The following KCNMA1 variants were observed in gnomAD, a reference collection of about 807,000 sequenced individuals.
KCNMA1 encodes the protein Calcium-activated potassium channel subunit alpha-1.
Under a neutral mutation model 140.0 loss-of-function variants are expected in KCNMA1, and 29 were observed. That is an observed-to-expected ratio of 0.21 (90% confidence interval 0.15 to 0.28). KCNMA1 has a LOEUF of 0.28. Among genes scored for constraint, KCNMA1 ranks in the 10% least tolerant of loss-of-function variants. KCNMA1 has a pLI of 1.00. For missense variants in KCNMA1, 880 were observed against 1,602.2 expected (o/e 0.55, Z 7.70); for synonymous variants, 612 against 611.9 (o/e 1.00, Z 0.00).
At chr10:77,572,604 A>AT (rs1491301371) in intron 1 of KCNMA1, among the ~76,000 whole-genome samples, 15 of 115,396 alleles carry the variant, frequency 1.3e-4, no homozygotes, top group East Asian at 2.3e-4. Context: ...ATATATATAT[A>AT]AATTAGCTGG....
At chr10:76,876,116 T>A (rs2032338107), downstream of KCNMA1, 1 of 152,604 alleles carries the variant, frequency 6.6e-6, no homozygotes, top group African/African-American at 2.4e-5. Context: ...TTGGAGTACT[T>A]AGTGGACATA....
intron 1 of KCNMA1, among the ~76,000 whole-genome samples, chr10:77,590,317 C>G (rs1018122084): frequency 6.6e-6 from 1 of 152,190 alleles, no homozygotes; most frequent in Non-Finnish European, 1.5e-5. Context: ...TGGGACTGGG[C>G]GCCGTGGAGC....
At position 76,891,543 on chromosome 10, in the gene KCNMA1, C is replaced by A. The variant is rs754021758; in HGVS notation, c.3324G>T (p.Gly1108=). 6.2e-7 allele frequency: 1 copy of A among 1,613,378 alleles called. No individual in the cohort carries two copies. The highest frequency in any genetic ancestry group is 1.3e-5 in the African/African-American group (1 of 75,052). ...GACTCACCCCTAAGTCCGCAAATGG[C>A]CCATCGAGCAGAGCTAACTGGGCCA... is the stretch of plus-strand genomic sequence containing the variant. ...CRVAQLALLD[G]PFADLGDGGC... is the part of the protein sequence containing the mutation. The change falls in exon 26 of 28, where the codon GGG becomes GGT. Residue 1108 remains glycine, a synonymous_variant. Transcript: ENST00000286628.
intron 6 of KCNMA1, among the ~76,000 whole-genome samples, chr10:77,116,564 T>C (rs557924902): frequency 6.6e-6 from 1 of 152,146 alleles, no homozygotes; most frequent in South Asian, 2.1e-4. Flanking sequence ...CTGCTCTCTT[T>C]GCTGGACAGA....
At chr10:77,081,839 T>G (rs893879049) in intron 12 of KCNMA1, among the ~76,000 whole-genome samples, 4 of 151,958 alleles carry the variant, frequency 2.6e-5, no homozygotes, top group African/African-American at 9.7e-5. Flanking sequence ...GGAGGCAGAT[T>G]GGTCTCATTA....
At chr10:77,509,760 T>A (rs2047670305) in intron 1 of KCNMA1, among the ~76,000 whole-genome samples, 1 of 152,148 alleles carries the variant, frequency 6.6e-6, no homozygotes, top group Admixed American at 6.5e-5. Flanking sequence ...ATGTTTATAA[T>A]AAGAAAAACA....
chr10:77,134,854 CG>C (rs1157657654), intron 5 of KCNMA1, among the ~76,000 whole-genome samples: 1 of 150,964 alleles, frequency 6.6e-6, no homozygotes, highest in African/African-American at 2.4e-5. Context: ...AAAAATTAGC[CG>C]GGTGTGGTGG....
chr10:77,510,203 C>G (rs553870509), intron 1 of KCNMA1, among the ~76,000 whole-genome samples: 2 of 152,044 alleles, frequency 1.3e-5, no homozygotes, highest in East Asian at 3.9e-4. Context: ...CCTCAGATTG[C>G]TCATCTGCTA....
intron 21 of KCNMA1, 45 bp downstream of exon 21, chr10:76,953,756 T>A: frequency 6.2e-7 from 1 of 1,613,562 alleles, no homozygotes; most frequent in Non-Finnish European, 8.5e-7. Context: ...CAAATGTGGT[T>A]TGGGGCAGAA....
chr10:77,533,016 G>A (rs1035227152), intron 1 of KCNMA1, among the ~76,000 whole-genome samples: 1 of 152,124 alleles, frequency 6.6e-6, no homozygotes, highest in African/African-American at 2.4e-5. Flanking sequence ...TTTTATTGAA[G>A]ACTTTCTCCC....
intron 5 of KCNMA1, among the ~76,000 whole-genome samples, chr10:77,148,823 T>C (rs12359742): frequency 0.018 from 2,797 of 152,338 alleles, 46 homozygotes; most frequent in South Asian, 0.041. Context: ...AGATGTAGCC[T>C]GTAGGCCATA....
chr10:76,954,293 A>ACACACG (rs60005549), intron 20 of KCNMA1, among the ~76,000 whole-genome samples: 5 of 151,382 alleles, frequency 3.3e-5, no homozygotes, highest in Admixed American at 6.6e-5. Flanking sequence ...ACACACACAC[A>ACACACG]TACACACACA....
chr10:77,137,833 G>A (rs1332992260), intron 5 of KCNMA1, among the ~76,000 whole-genome samples: 1 of 152,138 alleles, frequency 6.6e-6, no homozygotes, highest in Non-Finnish European at 1.5e-5. Flanking sequence ...CCATGCTGGA[G>A]TGCAGTGGCA....
At chr10:77,518,607 C>G (rs2154549869) in intron 1 of KCNMA1, among the ~76,000 whole-genome samples, 1 of 152,310 alleles carries the variant, frequency 6.6e-6, no homozygotes, top group South Asian at 2.1e-4. Context: ...TGCCCAAGCA[C>G]AGGACTGGAA....
intron 2 of KCNMA1, among the ~76,000 whole-genome samples, chr10:77,329,061 C>T (rs751609192): frequency 1.1e-4 from 16 of 152,018 alleles, no homozygotes; most frequent in South Asian, 2.1e-4. Flanking sequence ...AGGATGGTCT[C>T]GATCTCCTGA....
At chr10:77,107,956 G>C (rs553302997) in intron 9 of KCNMA1, among the ~76,000 whole-genome samples, 4 of 152,164 alleles carry the variant, frequency 2.6e-5, no homozygotes, top group Non-Finnish European at 5.9e-5. Flanking sequence ...ATACTAGTTT[G>C]AGGGACCAGA....
chr10:77,581,536 A>C (rs1278230811), intron 1 of KCNMA1, among the ~76,000 whole-genome samples: 1 of 152,110 alleles, frequency 6.6e-6, no homozygotes, highest in Non-Finnish European at 1.5e-5. Flanking sequence ...CGATCTCCTG[A>C]CCTAGTGATC....
At chr10:77,486,021 G>A (rs763354544) in intron 1 of KCNMA1, among the ~76,000 whole-genome samples, 24 of 152,146 alleles carry the variant, frequency 1.6e-4, no homozygotes, top group Non-Finnish European at 3.1e-4. Context: ...TCCTAGGAGA[G>A]CCTGAGGGAG....
chr10:77,238,359 C>T lies in KCNMA1; in HGVS notation c.602+12836G>A, dbSNP rs576474198. 1.4e-4 allele frequency among the ~76,000 whole-genome samples: 21 copies of T among 152,302 alleles called. No individual in the cohort carries two copies. The South Asian group carries it at 4.2e-3, about 30-fold the overall frequency. ...AATGATTTTGGCTGGAGATTGTTTG[C>T]ATCCTGGAATCATTGCCTAAAGAGG... On this transcript the variant is annotated intron_variant, in intron 3 of 27. Coordinates refer to ENST00000286628, the MANE Select transcript of KCNMA1 (RefSeq NM_001161352.2).
Sources: allele counts gnomAD v4.1 joint callset (sites outside exome capture counted in the v4.1 genomes callset), GRCh38; gene constraint gnomAD v4.1.1; transcripts MANE v1.5; gene names NCBI Gene and HGNC (gene_info 2026-07-23, HGNC 2026-07-21).